The following ARHGAP42 variants were observed in gnomAD, a reference collection of about 807,000 sequenced individuals.
The protein encoded by ARHGAP42 is Rho GTPase activating protein 42.
ARHGAP42 carries 63 observed loss-of-function variants against 125.0 expected under a neutral mutation model. That is an observed-to-expected ratio of 0.50 (90% CI 0.41 to 0.62). The LOEUF is 0.62. Ranked by LOEUF, ARHGAP42 falls within the 20% of genes least tolerant of loss-of-function variation. ARHGAP42 has a pLI of 0.00. For missense variants in ARHGAP42, 766 were observed against 1,024.2 expected (o/e 0.75, Z 3.44); for synonymous variants, 339 against 351.0 (o/e 0.97, Z 0.38).
In ARHGAP42 at chr11:100,838,032, C is replaced by T. The variant is rs1386938340; in HGVS notation, c.313-21522C>T. ...GCCTAAAAATAATTGAGCCCCATTC[C>T]CTCGCTAACTGCCTGCCTCAGTTCC... On this transcript the variant is annotated intron_variant, in intron 3 of 23. Transcript: ENST00000298815. Among the ~76,000 whole-genome samples, 3 of 149,472 alleles carry T rather than the reference C, an allele frequency of 2.0e-5. No individual in the cohort carries two copies. The East Asian group carries it at 5.9e-4, about 30-fold the overall frequency.
chr11:100,733,930 G>T (rs112600765), intron 1 of ARHGAP42, among the ~76,000 whole-genome samples: 161 of 113,306 alleles, frequency 1.4e-3, no homozygotes, highest in African/African-American at 3.2e-3. Flanking sequence ...AAGCAAAGTT[G>T]TTTTTTTTTT....
chr11:100,743,279 C>T (rs1862227766), intron 1 of ARHGAP42, among the ~76,000 whole-genome samples: 1 of 152,126 alleles, frequency 6.6e-6, no homozygotes, highest in South Asian at 2.1e-4. Context: ...AAATTCTCCC[C>T]ACATTTGTTT....
At chr11:100,900,859 G>A (rs373524244) in intron 4 of ARHGAP42, among the ~76,000 whole-genome samples, 1 of 152,176 alleles carries the variant, frequency 6.6e-6, no homozygotes, top group Admixed American at 6.5e-5. Flanking sequence ...AGAGAAGTTC[G>A]TTATTACCGA....
At chr11:100,766,617 T>A (rs1193606738) in intron 1 of ARHGAP42, among the ~76,000 whole-genome samples, 2 of 152,200 alleles carry the variant, frequency 1.3e-5, no homozygotes, top group Non-Finnish European at 2.9e-5. Context: ...GCTTTCTAAT[T>A]CAGAATTGCA....
intron 2 of ARHGAP42, among the ~76,000 whole-genome samples, chr11:100,772,738 C>T (rs1214101041): frequency 6.6e-6 from 1 of 152,078 alleles, no homozygotes. Context: ...ATACACTTAG[C>T]CAGGTAAAAG....
chr11:100,893,807 T>C (rs1338866457), intron 4 of ARHGAP42, among the ~76,000 whole-genome samples: 1 of 152,150 alleles, frequency 6.6e-6, no homozygotes, highest in African/African-American at 2.4e-5. Context: ...AAGAACCCTA[T>C]TTCTCAAGTC....
chr11:100,740,124 T>A (rs1862153572), intron 1 of ARHGAP42, among the ~76,000 whole-genome samples: 1 of 152,072 alleles, frequency 6.6e-6, no homozygotes, highest in South Asian at 2.1e-4. Context: ...ATGTTCATCC[T>A]TTTTGTATGA....
chr11:100,932,204 A>AG (rs1337851624), intron 6 of ARHGAP42, among the ~76,000 whole-genome samples: 2 of 152,168 alleles, frequency 1.3e-5, no homozygotes, highest in Non-Finnish European at 2.9e-5. Flanking sequence ...CTACCTACCC[A>AG]GACAGAGAAG....
intron 4 of ARHGAP42, among the ~76,000 whole-genome samples, chr11:100,875,141 G>C (rs1307873257): frequency 1.4e-5 from 2 of 148,072 alleles, no homozygotes; most frequent in Admixed American, 6.7e-5. Context: ...GTGTGTGTGT[G>C]TGTGTGTGTG....
At chr11:100,702,634 T>C (rs1379662501) in intron 1 of ARHGAP42, among the ~76,000 whole-genome samples, 1 of 151,174 alleles carries the variant, frequency 6.6e-6, no homozygotes, top group East Asian at 1.9e-4. Context: ...TCTTTCAATT[T>C]TAATAGAAAC....
At chr11:100,687,932 T>G in intron 1 of ARHGAP42, 100 bp downstream of exon 1, 2 of 1,335,362 alleles carry the variant, frequency 1.5e-6, no homozygotes, top group Non-Finnish European at 2.0e-6. Flanking sequence ...TTCTTTTGTT[T>G]GAATGGATTT....
intron 5 of ARHGAP42, among the ~76,000 whole-genome samples, chr11:100,916,991 A>T (rs1867083375): frequency 6.7e-6 from 1 of 150,036 alleles, no homozygotes; most frequent in Non-Finnish European, 1.5e-5. Flanking sequence ...ATACAGTATT[A>T]TACAGGTTTG....
intron 3 of ARHGAP42, among the ~76,000 whole-genome samples, chr11:100,845,445 A>G (rs1290477908): frequency 1.3e-5 from 2 of 152,144 alleles, no homozygotes; most frequent in African/African-American, 2.4e-5. Flanking sequence ...ACCAGTCACC[A>G]CTAAAGAACT....
intron 1 of ARHGAP42, among the ~76,000 whole-genome samples, chr11:100,688,707 G>T (rs888870723): frequency 6.6e-6 from 1 of 152,048 alleles, no homozygotes; most frequent in Non-Finnish European, 1.5e-5. Flanking sequence ...GGAGGTATTT[G>T]CATCTTTTAA....
At chr11:100,957,366 G>C (rs1246883994) in intron 12 of ARHGAP42, among the ~76,000 whole-genome samples, 2 of 151,342 alleles carry the variant, frequency 1.3e-5, no homozygotes, top group African/African-American at 2.4e-5. Context: ...TCTTCCGTTT[G>C]TCTTCATCTT....
At chr11:100,982,744 T>C (rs1407625448) in intron 22 of ARHGAP42, among the ~76,000 whole-genome samples, 6 of 152,232 alleles carry the variant, frequency 3.9e-5, no homozygotes. Context: ...TCTGGTTCAT[T>C]GTAAACAATC....
At chr11:100,866,193 T>G (rs1268761950) in intron 4 of ARHGAP42, among the ~76,000 whole-genome samples, 1 of 152,224 alleles carries the variant, frequency 6.6e-6, no homozygotes, top group Non-Finnish European at 1.5e-5. Flanking sequence ...TCCTTTAAGT[T>G]TGACATGAGA....
At chr11:100,748,463 TG>T (rs1565553648) in intron 1 of ARHGAP42, among the ~76,000 whole-genome samples, 2 of 152,226 alleles carry the variant, frequency 1.3e-5, no homozygotes, top group Non-Finnish European at 2.9e-5. Flanking sequence ...GGAAACCTGC[TG>T]GGTAAGGGAA....
intron 3 of ARHGAP42, among the ~76,000 whole-genome samples, chr11:100,838,170 G>C (rs949813433): frequency 1.3e-5 from 2 of 151,832 alleles, no homozygotes; most frequent in African/African-American, 4.8e-5. Context: ...TTTGTGTGAT[G>C]CTTCCTTCTG....
Sources: gnomAD v4.1 joint callset for allele counts (sites outside exome capture counted in the v4.1 genomes callset) on GRCh38, gnomAD v4.1.1 for gene constraint, MANE v1.5 for transcripts, NCBI Gene and HGNC (gene_info 2026-07-23, HGNC 2026-07-21) for gene names.